Variants in NEK11 observed in about 807,000 individuals in gnomAD.
The protein encoded by NEK11 is NIMA related kinase 11, also known as serine/threonine-protein kinase Nek11.
NEK11 carries 72 observed loss-of-function variants against 80.7 expected under a neutral mutation model. The observed-to-expected ratio is 0.89, with a 90% CI of 0.74 to 1.08. NEK11 has a LOEUF of 1.08. Among genes scored for constraint, NEK11 ranks in the 50% least tolerant of loss-of-function variants. The pLI, the probability that NEK11 is intolerant of heterozygous loss-of-function variation, is 0.00. For synonymous variants in NEK11, 251 were observed against 260.7 expected, an observed-to-expected ratio of 0.96 and a Z score of 0.36; for missense variants, 764 against 763.6, an observed-to-expected ratio of 1.00 and a Z score of -0.01.
rs869304359 is a variant in NEK11 at position 131,272,463 on chromosome 3, CTTTTTTT to C, written c.1622-991_1622-985del. ...CTTGCTAATGGGCCAGTTTTAGCTTCTTTTTTTTTTTTTTTTTTTTTTTTTTTTTTGA... is the reference window on the plus strand; with the variant it reads ...CTTGCTAATGGGCCAGTTTTAGCTTCTTTTTTTTTTTTTTTTTTTTTTTGA... On this transcript the variant is annotated intron_variant, in intron 16 of 17. Coordinates refer to ENST00000383366, the MANE Select transcript of NEK11 (RefSeq NM_024800.5). Among the ~76,000 whole-genome samples the C allele has an allele frequency of 7.3e-4, 32 of 43,900 alleles. 1 individual carries two copies. The highest frequency in any genetic ancestry group is 3.7e-3 in the South Asian group (3 of 812). 28.8% of individuals were successfully genotyped at this position (43,900 alleles called of 152,430 possible).
intron 7 of NEK11, among the ~76,000 whole-genome samples, chr3:131,148,484 G>A (rs2088873454): frequency 6.6e-6 from 1 of 151,822 alleles, no homozygotes; most frequent in African/African-American, 2.4e-5. Context: ...TTCTTTGCAA[G>A]AGCTTTTTAT....
intron 3 of NEK11, among the ~76,000 whole-genome samples, chr3:131,046,529 T>C (rs1053964012): frequency 1.3e-5 from 2 of 152,136 alleles, no homozygotes; most frequent in African/African-American, 4.8e-5. Flanking sequence ...CTCACAGCTC[T>C]TTTTTTCCCC....
intron 3 of NEK11, among the ~76,000 whole-genome samples, chr3:131,032,193 C>G (rs1395615125): frequency 2.0e-5 from 3 of 152,172 alleles, no homozygotes; most frequent in Non-Finnish European, 2.9e-5. Context: ...AACTCCTGAC[C>G]TCAGGTGATC....
At chr3:131,055,931 C>G (rs1050121479) in intron 3 of NEK11, among the ~76,000 whole-genome samples, 2 of 152,086 alleles carry the variant, frequency 1.3e-5, no homozygotes, top group African/African-American at 4.8e-5. Context: ...TCTTGTTTTT[C>G]CAGTAGCAGG....
chr3:131,116,168 C>T (rs1241009217), intron 5 of NEK11, among the ~76,000 whole-genome samples: 2 of 151,764 alleles, frequency 1.3e-5, no homozygotes, highest in Non-Finnish European at 2.9e-5. Context: ...ATGTTCCCCA[C>T]CTTGTGTCCA....
chr3:131,089,840 A>C (rs1297997634), intron 4 of NEK11, among the ~76,000 whole-genome samples: 1 of 152,166 alleles, frequency 6.6e-6, no homozygotes, highest in East Asian at 1.9e-4. Flanking sequence ...TTGATGCATA[A>C]TATTTGAGGT....
At chr3:131,071,297 G>T (rs1043893161) in intron 3 of NEK11, among the ~76,000 whole-genome samples, 13 of 151,998 alleles carry the variant, frequency 8.6e-5, no homozygotes, top group African/African-American at 2.9e-4. Flanking sequence ...ATAGAAAAAG[G>T]TATATTTATT....
Position 131,219,495 on chromosome 3 carries a change from C to T in NEK11, c.1400-9033C>T, listed in dbSNP as rs182790939. On this transcript the variant is annotated intron_variant, in intron 14 of 17. Transcript: ENST00000383366. ...CTGGGTGTAGCAAACCATCAGGACG[C>T]GTGTGTATCCATGGAACAAACCTGC... Among the ~76,000 whole-genome samples, 43 of 150,746 alleles carry T rather than the reference C, an allele frequency of 2.9e-4. No homozygotes were observed. The East Asian group carries it at 7.6e-3, about 27-fold the overall frequency.
At chr3:131,295,516 A>G (rs1016774497) in intron 17 of NEK11, among the ~76,000 whole-genome samples, 2 of 152,228 alleles carry the variant, frequency 1.3e-5, no homozygotes, top group Non-Finnish European at 2.9e-5. Context: ...ATGAGTGCAC[A>G]TCATATTGTG....
chr3:131,349,559 C>A lies in NEK11; in HGVS notation c.1721C>A (p.Ser574Ter). The change falls in exon 18 of 18, where the codon TCA becomes TAA. Residue 574 changes from serine to a stop codon, truncating the protein, a stop_gained and splice_region_variant. Coordinates refer to ENST00000383366, the MANE Select transcript of NEK11 (RefSeq NM_024800.5). LOFTEE classifies it low-confidence loss of function (END_TRUNC). ...ARTKMKRMRE[S>*]AMQKLGTEVF... The stretch of plus-strand genomic sequence containing the variant: ...ATCTTTTGTAACTTTTTTGACAGAT[C>A]AGCCATGCAGAAGCTGGGGACAGAA... The A allele has an allele frequency of 1.9e-6, 3 of 1,612,350 alleles. No homozygotes were observed. In the South Asian group the frequency reaches 3.3e-5, roughly 18 times the overall value.
chr3:131,139,668 C>T (rs1404992908), intron 7 of NEK11, among the ~76,000 whole-genome samples: 2 of 152,178 alleles, frequency 1.3e-5, no homozygotes, highest in Non-Finnish European at 2.9e-5. Flanking sequence ...TTTCATTCCT[C>T]TTACTAAAGA....
intron 17 of NEK11, among the ~76,000 whole-genome samples, chr3:131,289,959 C>T (rs1432904112): frequency 2.0e-5 from 3 of 152,204 alleles, no homozygotes; most frequent in African/African-American, 7.2e-5. Flanking sequence ...TTAACATTAT[C>T]TCTGCAAGTC....
chr3:131,207,380 G>A (rs148985552), intron 14 of NEK11, among the ~76,000 whole-genome samples: 1,953 of 152,178 alleles, frequency 0.013, 50 homozygotes, highest in African/African-American at 0.045. Context: ...TCAGGAGATC[G>A]AGACCATCCT....
chr3:131,150,130 A>G (rs1190930789), intron 7 of NEK11, among the ~76,000 whole-genome samples: 2 of 151,920 alleles, frequency 1.3e-5, no homozygotes, highest in East Asian at 1.9e-4. Context: ...TAGTTTTTCA[A>G]TTATCTCTTT....
intron 7 of NEK11, among the ~76,000 whole-genome samples, chr3:131,151,928 T>C (rs2089717143): frequency 6.6e-6 from 1 of 152,158 alleles, no homozygotes; most frequent in Admixed American, 6.5e-5. Context: ...AATGCCAGTT[T>C]CCTTTTCAAA....
chr3:131,261,944 T>C (rs1006554182), intron 16 of NEK11, among the ~76,000 whole-genome samples: 1 of 150,844 alleles, frequency 6.6e-6, no homozygotes, highest in African/African-American at 2.4e-5. Flanking sequence ...ATTACAAAAA[T>C]CAGAGTGGAA....
intron 15 of NEK11, among the ~76,000 whole-genome samples, chr3:131,239,962 G>A (rs1385404118): frequency 6.6e-6 from 1 of 152,020 alleles, no homozygotes. Flanking sequence ...TGTGTAAATG[G>A]TTTTCACTTA....
At chr3:131,262,800 C>A (rs1212692682) in intron 16 of NEK11, among the ~76,000 whole-genome samples, 1 of 152,140 alleles carries the variant, frequency 6.6e-6, no homozygotes, top group Non-Finnish European at 1.5e-5. Context: ...TCTCCTAATG[C>A]TATCCCTCTA....
At chr3:131,219,605 A>G (rs2094954424) in intron 14 of NEK11, among the ~76,000 whole-genome samples, 1 of 152,032 alleles carries the variant, frequency 6.6e-6, no homozygotes, top group Non-Finnish European at 1.5e-5. Context: ...ACACCAGGGT[A>G]TGCATGCACA....
Sources: allele counts gnomAD v4.1 joint callset (sites outside exome capture counted in the v4.1 genomes callset), GRCh38; gene constraint gnomAD v4.1.1; transcripts MANE v1.5; gene names NCBI Gene and HGNC (gene_info 2026-07-23, HGNC 2026-07-21).